Variants in IQCM observed in about 807,000 individuals in gnomAD.
IQCM encodes IQ domain-containing protein M.
IQCM carries 45 observed loss-of-function variants against 57.6 expected under a neutral mutation model. That is an observed-to-expected ratio of 0.78 (90% CI 0.62 to 1.00). The LOEUF (loss-of-function observed/expected upper bound fraction) is 1.00. Ranked by LOEUF, IQCM falls within the 50% of genes least tolerant of loss-of-function variation. The pLI, the probability that IQCM is intolerant of heterozygous loss-of-function variation, is 0.00. For synonymous variants in IQCM, 148 were observed against 158.9 expected (o/e 0.93, Z 0.51); for missense variants, 468 against 511.6 (o/e 0.91, Z 0.82).
At chr4:149,750,784 A>G (rs1768363303) in intron 2 of IQCM, among the ~76,000 whole-genome samples, 1 of 152,238 alleles carries the variant, frequency 6.6e-6, no homozygotes, top group Non-Finnish European at 1.5e-5. Context: ...CACTATGTTA[A>G]CAGTTAAAGA....
chr4:149,595,320 C>T (rs1753664690), intron 8 of IQCM, among the ~76,000 whole-genome samples: 1 of 151,926 alleles, frequency 6.6e-6, no homozygotes, highest in Non-Finnish European at 1.5e-5. Context: ...AGATCTTCCT[C>T]CATCCCTTTA....
At chr4:149,378,134 T>C (rs1368617402) in intron 13 of IQCM, among the ~76,000 whole-genome samples, 2 of 152,194 alleles carry the variant, frequency 1.3e-5, no homozygotes, top group Admixed American at 1.3e-4. Flanking sequence ...GCCTTTCATC[T>C]TCTGTCATGA....
intron 5 of IQCM, among the ~76,000 whole-genome samples, chr4:149,712,167 T>TCAGAG (rs957149056): frequency 1.3e-5 from 2 of 152,092 alleles, no homozygotes; most frequent in Non-Finnish European, 2.9e-5. Flanking sequence ...ATTCCAGGGT[T>TCAGAG]CAGAGGGAAT....
chr4:149,427,499 G>A (rs1734544589), intron 13 of IQCM, among the ~76,000 whole-genome samples: 1 of 151,926 alleles, frequency 6.6e-6, no homozygotes, highest in Non-Finnish European at 1.5e-5. Context: ...AGGAGACACA[G>A]CTCTGATTTT....
intron 12 of IQCM, among the ~76,000 whole-genome samples, chr4:149,442,136 T>C (rs999429738): frequency 2.0e-5 from 3 of 152,180 alleles, no homozygotes; most frequent in Admixed American, 6.6e-5. Flanking sequence ...TGATAACTAA[T>C]GAGACTTGTG....
At chr4:149,578,352 C>T (rs778887851) in intron 9 of IQCM, among the ~76,000 whole-genome samples, 18 of 151,740 alleles carry the variant, frequency 1.2e-4, no homozygotes, top group Admixed American at 7.9e-4. Flanking sequence ...CATGTTTTAC[C>T]GGTAGGATAC....
chr4:149,689,924 T>C (rs1409284311), intron 5 of IQCM, among the ~76,000 whole-genome samples: 2 of 152,014 alleles, frequency 1.3e-5, no homozygotes, highest in African/African-American at 4.8e-5. Context: ...GATGTTGGCA[T>C]GGATGCAGTG....
In IQCM at chr4:149,410,132, G is replaced by A. The variant is rs890813078; in HGVS notation, c.1390+23264C>T. The stretch of plus-strand genomic sequence containing the variant: ...CGGGAGGCAGAGGTTGCAGTGAGCC[G>A]AGATTGCGCCACTCCACTCCAGCCT... On this transcript the variant is annotated intron_variant, in intron 13 of 13. Coordinates refer to ENST00000636793, the MANE Select transcript of IQCM (RefSeq NM_001363507.2). Among the ~76,000 whole-genome samples, 5 of 152,190 alleles carry A rather than the reference G, an allele frequency of 3.3e-5. No homozygotes were observed. In the South Asian group the frequency reaches 6.2e-4, roughly 19 times the overall value.
intron 13 of IQCM, among the ~76,000 whole-genome samples, chr4:149,428,917 C>T (rs749136541): frequency 1.2e-4 from 18 of 151,816 alleles, no homozygotes; most frequent in South Asian, 2.1e-4. Context: ...AACTAGAGGT[C>T]GTTGATATTA....
intron 8 of IQCM, among the ~76,000 whole-genome samples, chr4:149,590,827 A>G (rs1258816126): frequency 6.6e-6 from 1 of 152,080 alleles, no homozygotes; most frequent in Non-Finnish European, 1.5e-5. Context: ...TATATGTGCC[A>G]CATTTTCTTT....
chr4:149,811,324 T>C (rs1472784832), intron 2 of IQCM, among the ~76,000 whole-genome samples: 1 of 152,176 alleles, frequency 6.6e-6, no homozygotes. Context: ...TTGCTTTGGA[T>C]AATAATTAAT....
chr4:149,589,975 T>C (rs1055643742), intron 8 of IQCM, among the ~76,000 whole-genome samples: 14 of 152,068 alleles, frequency 9.2e-5, no homozygotes, highest in African/African-American at 3.1e-4. Context: ...ACTGTCCTTC[T>C]GTGCTACTAC....
chr4:149,651,665 G>A (rs1759193901), intron 7 of IQCM, among the ~76,000 whole-genome samples: 1 of 151,914 alleles, frequency 6.6e-6, no homozygotes, highest in Non-Finnish European at 1.5e-5. Flanking sequence ...TATGACTGAT[G>A]AATGACAAAA....
chr4:149,520,816 A>G (rs1745562109), intron 12 of IQCM, among the ~76,000 whole-genome samples: 1 of 152,086 alleles, frequency 6.6e-6, no homozygotes, highest in South Asian at 2.1e-4. Flanking sequence ...ACATACCTGT[A>G]GACAAAATGC....
At chr4:149,442,422 C>CA (rs1321668129) in intron 12 of IQCM, among the ~76,000 whole-genome samples, 1 of 151,782 alleles carries the variant, frequency 6.6e-6, no homozygotes, top group African/African-American at 2.4e-5. Context: ...AAAAAAAACC[C>CA]AAAAAACAAA....
intron 2 of IQCM, among the ~76,000 whole-genome samples, chr4:149,795,061 G>T (rs1772989966): frequency 6.6e-6 from 1 of 152,038 alleles, no homozygotes; most frequent in Admixed American, 6.6e-5. Flanking sequence ...ACGCTAAAAA[G>T]AACTAAAGGG....
intron 12 of IQCM, among the ~76,000 whole-genome samples, chr4:149,453,797 A>G (rs925341828): frequency 4.0e-5 from 6 of 151,892 alleles, no homozygotes; most frequent in African/African-American, 1.2e-4. Flanking sequence ...ACAACTTTGC[A>G]TAAGAGTTTG....
intron 7 of IQCM, among the ~76,000 whole-genome samples, chr4:149,624,416 C>A (rs1397152383): frequency 1.3e-5 from 2 of 152,094 alleles, no homozygotes; most frequent in African/African-American, 4.8e-5. Context: ...ATTTTATTTT[C>A]TGTTTTTATT....
chr4:149,592,426 T>C (rs1408840154), intron 8 of IQCM, among the ~76,000 whole-genome samples: 2 of 152,166 alleles, frequency 1.3e-5, no homozygotes, highest in African/African-American at 4.8e-5. Context: ...ACTCTGATGG[T>C]AGTTTCTTCT....
Sources: gnomAD v4.1 joint callset for allele counts (sites outside exome capture counted in the v4.1 genomes callset) on GRCh38, gnomAD v4.1.1 for gene constraint, MANE v1.5 for transcripts, NCBI Gene and HGNC (gene_info 2026-07-23, HGNC 2026-07-21) for gene names.